The following JADE3 variants were observed in gnomAD, a reference collection of about 807,000 sequenced individuals.
The protein encoded by JADE3 is protein Jade-3.
In JADE3, 2 loss-of-function variants were observed where a neutral mutation model predicts 50.1. The ratio of observed to expected loss-of-function variants is 0.04; its 90% CI spans 0.02 to 0.13. The LOEUF is 0.13. Among genes scored for constraint, JADE3 ranks in the 10% least tolerant of loss-of-function variants. The pLI is 1.00. For missense variants in JADE3, 475 were observed against 634.4 expected (o/e 0.75, Z 2.70); for synonymous variants, 218 against 232.9 (o/e 0.94, Z 0.58).
rs188333443 is a variant in JADE3, at chrX:47,028,694, T to C, written c.687+591T>C. ...TACCCAAGCTGGTTATTTGTCATTC[T>C]TTCTACTATACTGCCTTTTTAATTA... On this transcript the variant is annotated intron_variant, in intron 6 of 10. Coordinates refer to ENST00000614628, the MANE Select transcript of JADE3 (RefSeq NM_014735.5). 1.6e-4 allele frequency among the ~76,000 whole-genome samples: 18 copies of C among 111,567 alleles called. No homozygotes were observed. The East Asian group carries it at 3.7e-3, about 23-fold the overall frequency.
intron 1 of JADE3, among the ~76,000 whole-genome samples, chrX:46,963,962 C>G (rs1466717900): frequency 8.9e-6 from 1 of 111,893 alleles, no homozygotes; most frequent in African/African-American, 3.3e-5. Flanking sequence ...ACAAATTACT[C>G]TTTTTTAAGG....
chrX:47,059,191 C>A lies in JADE3; in HGVS notation c.*114C>A. On this transcript the variant is annotated 3_prime_UTR_variant, in exon 11 of 11. Coordinates refer to ENST00000614628, the MANE Select transcript of JADE3 (RefSeq NM_014735.5). Reference sequence around the variant, plus strand: ...AGAGGAATTGCAGTGAAAAGGATAACATTTTTCCATAGTAAATTGTCTTGC... The same window carrying A: ...AGAGGAATTGCAGTGAAAAGGATAAAATTTTTCCATAGTAAATTGTCTTGC... The A allele has an allele frequency of 1.9e-6, 1 of 532,066 alleles. No homozygotes were observed. Among genetic ancestry groups the A allele is most frequent in the Non-Finnish European group, 2.9e-6 (1 of 345,413 alleles). The allele number at this position is 532,066 out of a possible 1,213,427, so 43.8% of individuals were successfully genotyped here.
chrX:47,016,971 G>A (rs182490567), intron 4 of JADE3, among the ~76,000 whole-genome samples: 280 of 112,081 alleles, frequency 2.5e-3, no homozygotes, highest in Middle Eastern at 9.3e-3. Flanking sequence ...ACTTAGAGCA[G>A]TAATTTTGGA....
chrX:47,049,425 C>T (rs1202725555), intron 8 of JADE3, among the ~76,000 whole-genome samples: 1 of 108,164 alleles, frequency 9.2e-6, no homozygotes, highest in African/African-American at 3.4e-5. Flanking sequence ...CTCAGCCTCC[C>T]AAAATGCTGG....
intron 2 of JADE3, 27 bp from the exon 3 acceptor site, chrX:46,985,686 G>A: frequency 1.0e-6 from 1 of 992,877 alleles, no homozygotes; most frequent in Non-Finnish European, 1.4e-6. Context: ...ATGTGTCTCA[G>A]TATTTTTTTC....
chrX:47,011,337 A>G (rs1466124123), intron 4 of JADE3, among the ~76,000 whole-genome samples: 1 of 112,490 alleles, frequency 8.9e-6, no homozygotes, highest in Non-Finnish European at 1.9e-5. Flanking sequence ...TTTATGACCA[A>G]ATAATATTCT....
intron 1 of JADE3, among the ~76,000 whole-genome samples, chrX:46,929,492 C>T (rs1356509930): frequency 2.7e-5 from 3 of 111,513 alleles, no homozygotes; most frequent in East Asian, 2.8e-4. Flanking sequence ...CTACTTTCTT[C>T]CCATAATCTC....
intron 4 of JADE3, among the ~76,000 whole-genome samples, chrX:47,022,500 A>T (rs1169309407): frequency 1.8e-5 from 2 of 111,996 alleles, no homozygotes; most frequent in Non-Finnish European, 3.8e-5. Flanking sequence ...AGGAGGCAGT[A>T]TTCTCTACAT....
chrX:46,968,619 A>G (rs1556349504), intron 1 of JADE3, among the ~76,000 whole-genome samples: 1 of 111,633 alleles, frequency 9.0e-6, no homozygotes, highest in Non-Finnish European at 1.9e-5. Flanking sequence ...TGCAAACACC[A>G]ATCAAAAGAA....
At chrX:47,006,416 T>G (rs1928421506) in intron 4 of JADE3, among the ~76,000 whole-genome samples, 1 of 108,574 alleles carries the variant, frequency 9.2e-6, no homozygotes, top group Non-Finnish European at 1.9e-5. Flanking sequence ...CCTAAGTAGC[T>G]GGGACTACAG....
At chrX:46,945,469 C>A (rs1234746957) in intron 1 of JADE3, among the ~76,000 whole-genome samples, 1 of 111,236 alleles carries the variant, frequency 9.0e-6, no homozygotes, top group Admixed American at 9.6e-5. Context: ...GGAAGCTTCT[C>A]TTCTATTAAT....
chrX:46,921,800 T>C (rs1417110792), intron 1 of JADE3, among the ~76,000 whole-genome samples: 1 of 111,219 alleles, frequency 9.0e-6, no homozygotes, highest in African/African-American at 3.3e-5. Context: ...GAGAAAGTTT[T>C]CATTTTCCTT....
intron 8 of JADE3, among the ~76,000 whole-genome samples, chrX:47,046,242 A>G (rs1270048177): frequency 8.9e-6 from 1 of 111,898 alleles, no homozygotes; most frequent in African/African-American, 3.2e-5. Context: ...AGAGGCTGCT[A>G]TGAGCAACTA....
chrX:47,003,582 A>G (rs1928334659), intron 4 of JADE3, among the ~76,000 whole-genome samples: 1 of 102,871 alleles, frequency 9.7e-6, no homozygotes, highest in South Asian at 3.9e-4. Flanking sequence ...AGTCTTATAT[A>G]TATAAAAATA....
At chrX:46,940,369 A>G (rs190185466) in intron 1 of JADE3, among the ~76,000 whole-genome samples, 7 of 112,138 alleles carry the variant, frequency 6.2e-5, no homozygotes, top group African/African-American at 1.9e-4. Context: ...AGTTGTTTCT[A>G]CCTAGGTATT....
At chrX:46,919,694 C>A (rs1235241036) in intron 1 of JADE3, among the ~76,000 whole-genome samples, 1 of 110,937 alleles carries the variant, frequency 9.0e-6, no homozygotes, top group Non-Finnish European at 1.9e-5. Context: ...GCAACTGGAC[C>A]CCAGGAAGTA....
chrX:46,988,461 A>G (rs1422332780), intron 3 of JADE3, among the ~76,000 whole-genome samples: 2 of 111,696 alleles, frequency 1.8e-5, no homozygotes, highest in Non-Finnish European at 3.8e-5. Context: ...CATTGGACAT[A>G]TTATGTAGGG....
At position 46,916,049 on chromosome X, in the gene JADE3, T is replaced by TTTTTG. The variant is rs781846975; in HGVS notation, c.-12+3356_-12+3360dup. Among the ~76,000 whole-genome samples the TTTTTG allele has an allele frequency of 1.2e-3, 139 of 112,086 alleles. 2 individuals are homozygous for TTTTTG. The highest frequency in any genetic ancestry group is 1.8e-3 in the Non-Finnish European group (97 of 53,159). On this transcript the variant is annotated intron_variant, in intron 1 of 10. Transcript: ENST00000614628. ...AGGAAACCCAAGCCTAGAATGTGTT[T>TTTTTG]TTTTGTTTTGTTTTGTTTTGTTTTG...
intron 4 of JADE3, among the ~76,000 whole-genome samples, chrX:47,016,145 C>T (rs1339534368): frequency 9.0e-6 from 1 of 110,726 alleles, no homozygotes; most frequent in Non-Finnish European, 1.9e-5. Context: ...AGTGACTTAC[C>T]TACCTACATA....
Sources: allele counts gnomAD v4.1 joint callset (sites outside exome capture counted in the v4.1 genomes callset), GRCh38; gene constraint gnomAD v4.1.1; transcripts MANE v1.5; gene names NCBI Gene and HGNC (gene_info 2026-07-23, HGNC 2026-07-21).